The following GRIN2B variants were observed in gnomAD, a reference collection of about 807,000 sequenced individuals.
GRIN2B encodes the protein glutamate ionotropic receptor NMDA type subunit 2B.
Under a neutral mutation model 114.5 loss-of-function variants are expected in GRIN2B, and 5 were observed. The observed-to-expected ratio is 0.04, with a 90% CI of 0.02 to 0.09. The LOEUF (loss-of-function observed/expected upper bound fraction) is 0.09, where lower values mean the gene tolerates loss of function less well. GRIN2B is among the 10% of genes least tolerant of loss of function. The pLI is 1.00. For missense variants in GRIN2B, 1,108 were observed against 1,943.5 expected, an observed-to-expected ratio of 0.57 and a Z score of 8.08; for synonymous variants, 787 against 745.1, an observed-to-expected ratio of 1.06 and a Z score of -0.92.
At chr12:13,971,851 T>C (rs1053577952) in intron 2 of GRIN2B, among the ~76,000 whole-genome samples, 17 of 152,152 alleles carry the variant, frequency 1.1e-4, no homozygotes, top group Non-Finnish European at 1.2e-4. Flanking sequence ...CAGGCCAGTG[T>C]TAGTGTTGAG....
In GRIN2B at chr12:13,552,493, T is replaced by G. The variant is rs1948425393; in HGVS notation, c.*10290A>C. The G allele has an allele frequency of 6.6e-6, 1 of 152,102 alleles. No individual in the cohort carries two copies. The highest frequency in any genetic ancestry group is 2.1e-4 in the South Asian group (1 of 4,824). The allele number at this position is 152,102 out of a possible 1,614,324, so 9.4% of individuals were successfully genotyped here. On this transcript the variant is annotated 3_prime_UTR_variant, in exon 14 of 14. Transcript: ENST00000609686. Reference sequence around the variant, plus strand: ...CCTTCCTCATATCCTCCCTTTCCTTTTATGGGTATTTGTAGGCAAAATAAT... The same window carrying G: ...CCTTCCTCATATCCTCCCTTTCCTTGTATGGGTATTTGTAGGCAAAATAAT...
intron 3 of GRIN2B, among the ~76,000 whole-genome samples, chr12:13,756,535 A>C (rs1323224087): frequency 6.6e-6 from 1 of 152,202 alleles, no homozygotes; most frequent in East Asian, 1.9e-4. Flanking sequence ...CTAAAGAAAA[A>C]CTGGGGGATT....
chr12:13,767,258 C>CAAAAAAAA (rs34462939), intron 3 of GRIN2B, among the ~76,000 whole-genome samples: 2 of 97,688 alleles, frequency 2.0e-5, no homozygotes, highest in Admixed American at 1.2e-4. Context: ...GACTCTGTCT[C>CAAAAAAAA]AAAAAAAAAA....
intron 3 of GRIN2B, among the ~76,000 whole-genome samples, chr12:13,769,369 C>CT (rs1205351243): frequency 2.4e-4 from 36 of 151,908 alleles, no homozygotes; most frequent in African/African-American, 7.2e-4. Context: ...TCAAGTGTGG[C>CT]TTTTTTTTGT....
At chr12:13,694,660 T>TATCAC (rs1950243991) in intron 4 of GRIN2B, among the ~76,000 whole-genome samples, 1 of 37,524 alleles carries the variant, frequency 2.7e-5, no homozygotes, top group African/African-American at 7.7e-5. Context: ...AAATGTCATA[T>TATCAC]ATATATATAT....
At position 13,554,864 on chromosome 12, in the gene GRIN2B, A is replaced by T. The variant is rs147386216; in HGVS notation, c.*7919T>A. 7.1e-4 allele frequency: 108 copies of T among 152,320 alleles called. No individual in the cohort carries two copies. Among genetic ancestry groups the T allele is most frequent in the African/African-American group, 2.5e-3 (105 of 41,576 alleles). 9.4% of individuals were successfully genotyped at this position (152,320 alleles called of 1,614,324 possible). A position where few individuals can be genotyped will look rare whatever the true frequency, so the allele number is the denominator to read the frequency against. ...AAAAGCTTGAGTTCGGTGACGGAAG[A>T]CATGGTGATACCATTAAGCAAAAGG... On this transcript the variant is annotated 3_prime_UTR_variant, in exon 14 of 14. Coordinates refer to ENST00000609686, the MANE Select transcript of GRIN2B (RefSeq NM_000834.5).
intron 3 of GRIN2B, among the ~76,000 whole-genome samples, chr12:13,795,472 A>C (rs1248291750): frequency 6.6e-6 from 1 of 152,068 alleles, no homozygotes; most frequent in Non-Finnish European, 1.5e-5. Flanking sequence ...CCGTTTTCTC[A>C]CCTGTAAGAT....
At chr12:13,899,376 G>A (rs1866406768) in intron 2 of GRIN2B, among the ~76,000 whole-genome samples, 1 of 152,054 alleles carries the variant, frequency 6.6e-6, no homozygotes, top group South Asian at 2.1e-4. Flanking sequence ...ACTATGATCT[G>A]GCAAAAGGAA....
chr12:13,596,315 CTG>C (rs1458238694), intron 10 of GRIN2B, among the ~76,000 whole-genome samples: 3 of 152,220 alleles, frequency 2.0e-5, no homozygotes, highest in Admixed American at 6.5e-5. Flanking sequence ...ACTCAGAAAA[CTG>C]TGGTGCTAGT....
intron 8 of GRIN2B, among the ~76,000 whole-genome samples, chr12:13,613,329 T>A (rs143049953): frequency 2.0e-5 from 3 of 152,362 alleles, no homozygotes; most frequent in Admixed American, 6.5e-5. Context: ...TCTGTTTTGG[T>A]CTTTACAATT....
At chr12:13,576,423 G>GA (rs1469628232) in intron 10 of GRIN2B, among the ~76,000 whole-genome samples, 12 of 152,176 alleles carry the variant, frequency 7.9e-5, no homozygotes, top group Non-Finnish European at 1.6e-4. Context: ...TGAGGACCCT[G>GA]AAAAAATAAT....
intron 3 of GRIN2B, among the ~76,000 whole-genome samples, chr12:13,856,755 A>T (rs535364406): frequency 4.0e-5 from 6 of 151,808 alleles, no homozygotes; most frequent in Non-Finnish European, 5.9e-5. Context: ...CCCTTGACCC[A>T]CTTCTCTCCC....
rs1164001999 is a variant in GRIN2B at position 13,549,035 on chromosome 12, G to C, written c.*13748C>G. 6.6e-6 allele frequency: 1 copy of C among 152,038 alleles called. No homozygotes were observed. Among genetic ancestry groups the C allele is most frequent in the African/African-American group, 2.4e-5 (1 of 41,408 alleles). The allele number at this position is 152,038 out of a possible 1,614,324, so 9.4% of individuals were successfully genotyped here. On this transcript the variant is annotated 3_prime_UTR_variant, in exon 14 of 14. Transcript: ENST00000609686. ...AAAAAAGTTACTCTACATTAAGCAGGACACTAGAGCTCTTTCACTGTTTTT... is the reference window on the plus strand; with the variant it reads ...AAAAAAGTTACTCTACATTAAGCAGCACACTAGAGCTCTTTCACTGTTTTT...
chr12:13,630,672 A>C (rs954738375), intron 5 of GRIN2B, among the ~76,000 whole-genome samples: 1 of 152,112 alleles, frequency 6.6e-6, no homozygotes, highest in Non-Finnish European at 1.5e-5. Flanking sequence ...GCCTTGGTAG[A>C]CTCATCAGAT....
At chr12:13,572,177 T>C (rs890369590) in intron 10 of GRIN2B, among the ~76,000 whole-genome samples, 2 of 152,238 alleles carry the variant, frequency 1.3e-5, no homozygotes, top group Admixed American at 1.3e-4. Context: ...TTCAATTTAG[T>C]ACATATTGCT....
At chr12:13,686,349 G>C (rs1049158009) in intron 4 of GRIN2B, among the ~76,000 whole-genome samples, 1 of 152,064 alleles carries the variant, frequency 6.6e-6, no homozygotes, top group Non-Finnish European at 1.5e-5. Flanking sequence ...TCCTCAAGAG[G>C]ACAGCACCAT....
chr12:13,578,857 ATAATAAGAAAGAAC>A, intron 10 of GRIN2B, among the ~76,000 whole-genome samples: 1 of 37,326 alleles, frequency 2.7e-5, no homozygotes, highest in Non-Finnish European at 1.7e-4. Flanking sequence ...CGAGACCTGA[ATAATAAGAAAGAAC>A]CAGACATACA....
chr12:13,926,146 G>A (rs1239774943), intron 2 of GRIN2B, among the ~76,000 whole-genome samples: 2 of 152,100 alleles, frequency 1.3e-5, no homozygotes, highest in Non-Finnish European at 2.9e-5. Context: ...AAGGGAAATG[G>A]TGCAAATTGA....
At chr12:13,818,695 T>C (rs909263288) in intron 3 of GRIN2B, among the ~76,000 whole-genome samples, 1 of 152,210 alleles carries the variant, frequency 6.6e-6, no homozygotes, top group Non-Finnish European at 1.5e-5. Context: ...ACATCCATTC[T>C]CTTAAGATTA....
Sources: gnomAD v4.1 joint callset for allele counts (sites outside exome capture counted in the v4.1 genomes callset) on GRCh38, gnomAD v4.1.1 for gene constraint, MANE v1.5 for transcripts, NCBI Gene and HGNC (gene_info 2026-07-23, HGNC 2026-07-21) for gene names.